The following CIROZ variants were observed in gnomAD, a reference collection of about 807,000 sequenced individuals.
CIROZ encodes ciliated left-right organizer protein containing ZP-N domains, also known as ciliated left-right organizer ZP-N domains-containing protein.
chr1:10,982,021 G>C, the CIROZ span: 1 of 1,537,246 alleles, frequency 6.5e-7, no homozygotes, highest in Non-Finnish European at 8.7e-7. Context: ...CCAGGCAAGT[G>C]CTGGGGACCC....
chr1:10,970,225 A>G, the CIROZ span: 20 of 802,076 alleles, frequency 2.5e-5, no homozygotes, highest in East Asian at 5.5e-4. Flanking sequence ...TAGTCAGGAA[A>G]GGGCATGTAG....
At chr1:10,973,244 G>A in the CIROZ span, among the ~76,000 whole-genome samples, 2 of 151,858 alleles carry the variant, frequency 1.3e-5, no homozygotes, top group African/African-American at 4.8e-5. Context: ...GTGGTTGCGG[G>A]TGCCTGTAAT....
At chr1:10,948,267 T>A in the CIROZ span, 1 of 1,613,934 alleles carries the variant, frequency 6.2e-7, no homozygotes, top group Non-Finnish European at 8.5e-7. Context: ...GCGTGGCCTC[T>A]CCACCTCCGT....
the CIROZ span, among the ~76,000 whole-genome samples, chr1:10,972,420 TACACAC>T: frequency 6.5e-3 from 863 of 131,796 alleles, 6 homozygotes; most frequent in Non-Finnish European, 9.2e-3. Flanking sequence ...GTCTCTGAAA[TACACAC>T]ACACACACAC....
chr1:10,951,890 G>T, the CIROZ span, among the ~76,000 whole-genome samples: 2 of 151,676 alleles, frequency 1.3e-5, no homozygotes, highest in African/African-American at 4.8e-5. Flanking sequence ...TTGGGGTCAG[G>T]GAAGAGGAAG....
At chr1:10,968,193 G>A in the CIROZ span, among the ~76,000 whole-genome samples, 1 of 152,144 alleles carries the variant, frequency 6.6e-6, no homozygotes, top group Non-Finnish European at 1.5e-5. Context: ...TTGAATGAGT[G>A]AAAAATAAAG....
the CIROZ span, among the ~76,000 whole-genome samples, chr1:10,947,310 G>A: frequency 6.6e-6 from 1 of 152,108 alleles, no homozygotes; most frequent in East Asian, 1.9e-4. Context: ...GCAGGGCCAG[G>A]GAGAGACCAG....
chr1:10,947,636 G>A, the CIROZ span: 1 of 1,445,302 alleles, frequency 6.9e-7, no homozygotes, highest in Admixed American at 2.7e-5. Context: ...GTGCACCCAG[G>A]ACTCACCCTG....
chr1:10,954,176 C>A, the CIROZ span: 1 of 1,599,024 alleles, frequency 6.3e-7, no homozygotes, highest in Non-Finnish European at 8.5e-7. Context: ...TGCACATTGG[C>A]TGGGCGCAGT....
the CIROZ span, among the ~76,000 whole-genome samples, chr1:10,975,266 C>T: frequency 1.3e-5 from 2 of 152,016 alleles, no homozygotes; most frequent in African/African-American, 4.8e-5. Flanking sequence ...ATTAGCCAGG[C>T]GTGGTGGCTC....
the CIROZ span, chr1:10,964,137 C>T: frequency 1.9e-6 from 3 of 1,613,766 alleles, no homozygotes; most frequent in South Asian, 1.1e-5. Flanking sequence ...CCTGGATGAA[C>T]ATGGGCCCAC....
chr1:10,972,130 A>G, the CIROZ span, among the ~76,000 whole-genome samples: 16 of 152,302 alleles, frequency 1.1e-4, no homozygotes, highest in African/African-American at 3.8e-4. Flanking sequence ...GTTTTCTGTA[A>G]TCACACAAGA....
chr1:10,979,915 C>T, the CIROZ span, among the ~76,000 whole-genome samples: 7 of 152,204 alleles, frequency 4.6e-5, 1 homozygote, highest in African/African-American at 1.4e-4. Context: ...GGTGCGGTGG[C>T]GCATGCCTGT....
At chr1:10,962,482 T>G in the CIROZ span, among the ~76,000 whole-genome samples, 20 of 152,136 alleles carry the variant, frequency 1.3e-4, no homozygotes, top group Non-Finnish European at 2.5e-4. Flanking sequence ...TTTTTTTAAC[T>G]GGAGGATTTC....
At chr1:10,966,134 G>C in the CIROZ span, among the ~76,000 whole-genome samples, 1 of 152,130 alleles carries the variant, frequency 6.6e-6, no homozygotes, top group East Asian at 1.9e-4. Flanking sequence ...CACAGAGAAG[G>C]GGGGATTCTC....
the CIROZ span, among the ~76,000 whole-genome samples, chr1:10,969,215 G>A: frequency 1.3e-5 from 2 of 152,094 alleles, no homozygotes; most frequent in Admixed American, 6.5e-5. Flanking sequence ...GTGCAAAAGA[G>A]AGGAGGAACC....
chr1:10,963,427 G>A, the CIROZ span, among the ~76,000 whole-genome samples: 1 of 152,080 alleles, frequency 6.6e-6, no homozygotes, highest in Non-Finnish European at 1.5e-5. Context: ...AAACCCAGCT[G>A]ACTAAATGAA....
At chr1:10,976,099 G>A in the CIROZ span, 1 of 1,445,722 alleles carries the variant, frequency 6.9e-7, no homozygotes, top group South Asian at 1.2e-5. Context: ...TTCTCAGTCT[G>A]CTCATTGGGG....
At chr1:10,953,549 G>T in the CIROZ span, among the ~76,000 whole-genome samples, 1 of 152,160 alleles carries the variant, frequency 6.6e-6, no homozygotes, top group African/African-American at 2.4e-5. Flanking sequence ...CCAAATGACC[G>T]GAGGAACTGG....
Sources: allele counts gnomAD v4.1 joint callset (sites outside exome capture counted in the v4.1 genomes callset), GRCh38; gene constraint gnomAD v4.1.1; transcripts MANE v1.5; gene names NCBI Gene and HGNC (gene_info 2026-07-23, HGNC 2026-07-21).